Variants in XPO7 observed in about 807,000 individuals in gnomAD.
XPO7 encodes exportin-7.
A neutral mutation model predicts 144.3 loss-of-function variants in XPO7; 21 were observed. The ratio of observed to expected loss-of-function variants is 0.15; its 90% CI spans 0.10 to 0.21. The LOEUF (loss-of-function observed/expected upper bound fraction) is 0.21, where lower values mean the gene tolerates loss of function less well. Ranked by LOEUF, XPO7 falls within the 10% of genes least tolerant of loss-of-function variation. The pLI, the probability that XPO7 is intolerant of heterozygous loss-of-function variation, is 1.00. For synonymous variants in XPO7, 580 were observed against 499.6 expected, an observed-to-expected ratio of 1.16 and a Z score of -2.15; for missense variants, 808 against 1,325.8, an observed-to-expected ratio of 0.61 and a Z score of 6.06.
At chr8:21,941,788 G>A (rs1367665727) in intron 1 of XPO7, among the ~76,000 whole-genome samples, 2 of 152,128 alleles carry the variant, frequency 1.3e-5, no homozygotes, top group Non-Finnish European at 2.9e-5. Context: ...CGATCCTCCC[G>A]CCTCAGCCTT....
intron 24 of XPO7, among the ~76,000 whole-genome samples, chr8:22,000,014 C>A (rs1022948820): frequency 3.3e-5 from 5 of 152,128 alleles, no homozygotes; most frequent in Non-Finnish European, 5.9e-5. Context: ...GGGGTGAGTA[C>A]AAAGTGCTAC....
At chr8:21,953,630 C>G (rs969704816) in intron 1 of XPO7, among the ~76,000 whole-genome samples, 3 of 152,208 alleles carry the variant, frequency 2.0e-5, no homozygotes, top group Non-Finnish European at 4.4e-5. Context: ...ATTTTGCATT[C>G]TCACCAACAG....
intron 4 of XPO7, among the ~76,000 whole-genome samples, chr8:21,971,446 A>G (rs1264404839): frequency 6.6e-6 from 1 of 152,140 alleles, no homozygotes; most frequent in Non-Finnish European, 1.5e-5. Context: ...AAATTTTGAT[A>G]TGTTTATTTA....
Position 21,985,697 on chromosome 8 carries a change from T to A in XPO7, c.1577+6T>A. ...GATGGTGAGCTTGTCTGTCGGTAAGTGCTCCCCACAGAAGCTCTCCACTCT... is the reference window on the plus strand; with the variant it reads ...GATGGTGAGCTTGTCTGTCGGTAAGAGCTCCCCACAGAAGCTCTCCACTCT... On this transcript the variant is annotated splice_donor_region_variant and intron_variant, in intron 13 of 27. Transcript: ENST00000252512. 1 of 1,612,622 alleles carries A rather than the reference T, an allele frequency of 6.2e-7. No homozygotes were observed. Among genetic ancestry groups the A allele is most frequent in the Non-Finnish European group, 8.5e-7 (1 of 1,179,474 alleles).
At position 21,995,532 on chromosome 8, in the gene XPO7, C is replaced by G. The variant is rs1158437045; in HGVS notation, c.2278C>G (p.Leu760Val). Residue 760 changes from leucine (L) to valine (V), a missense_variant, in exon 21 of 28, where the codon CTC (leucine) becomes GTC (valine). Around this residue, in one of 5 missense-constraint regions of XPO7, gnomAD observed 416 missense variants for 612.5 expected, o/e 0.68. Coordinates refer to ENST00000252512, the MANE Select transcript of XPO7 (RefSeq NM_015024.5). ...GCCAATTCTCCAACGGGCAATTGAG[C>G]TCTGGTACCATGATCCAGCCTGTAC... Reference protein sequence around the residue: ...YMPILQRAIELWYHDPACTTP... With the variant: ...YMPILQRAIEVWYHDPACTTP... The G allele has an allele frequency of 1.2e-6, 2 of 1,610,270 alleles. No individual in the cohort carries two copies. The highest frequency in any genetic ancestry group is 2.7e-5 in the African/African-American group (2 of 74,884).
intron 1 of XPO7, among the ~76,000 whole-genome samples, chr8:21,928,486 A>G (rs1810534970): frequency 2.0e-5 from 3 of 152,210 alleles, no homozygotes; most frequent in Non-Finnish European, 2.9e-5. Flanking sequence ...GTATGTTTAC[A>G]TTTTTAAAGA....
At chr8:21,988,589 A>G (rs1425149517) in intron 15 of XPO7, 1 of 184,972 alleles carries the variant, frequency 5.4e-6, no homozygotes, top group Admixed American at 5.5e-5. Context: ...AAGGGGGTCT[A>G]AAGGACTCTG....
At chr8:21,939,087 G>A (rs1810909099) in intron 1 of XPO7, among the ~76,000 whole-genome samples, 1 of 152,012 alleles carries the variant, frequency 6.6e-6, no homozygotes, top group African/African-American at 2.4e-5. Context: ...ATAATAAAAT[G>A]AAATAATTTA....
At chr8:21,944,298 C>T (rs1299318320) in intron 1 of XPO7, among the ~76,000 whole-genome samples, 1 of 152,134 alleles carries the variant, frequency 6.6e-6, no homozygotes, top group East Asian at 1.9e-4. Flanking sequence ...AAGGGTCAAA[C>T]GCGGTGGCCC....
chr8:21,957,848 A>G (rs555591429), intron 1 of XPO7, among the ~76,000 whole-genome samples: 1 of 151,110 alleles, frequency 6.6e-6, no homozygotes, highest in Admixed American at 6.6e-5. Flanking sequence ...TTCAGCTTTC[A>G]CACTGTAAAC....
chr8:21,962,957 A>G (rs1366555039), intron 1 of XPO7, among the ~76,000 whole-genome samples: 2 of 152,228 alleles, frequency 1.3e-5, no homozygotes, highest in Non-Finnish European at 2.9e-5. Flanking sequence ...AAGGTTCAGT[A>G]TAAATATTTT....
chr8:21,939,451 C>T (rs1310504151), intron 1 of XPO7, among the ~76,000 whole-genome samples: 1 of 152,132 alleles, frequency 6.6e-6, no homozygotes, highest in African/African-American at 2.4e-5. Context: ...AAACTCCCAA[C>T]CTCAGGTGAT....
intron 16 of XPO7, 129 bp from the exon 17 acceptor site, chr8:21,990,215 T>A (rs1474544272): frequency 1.2e-6 from 1 of 837,750 alleles, no homozygotes; most frequent in Non-Finnish European, 1.9e-6. Flanking sequence ...TATTTGGCAG[T>A]GGTATACTCA....
intron 1 of XPO7, among the ~76,000 whole-genome samples, chr8:21,931,092 C>T (rs942382708): frequency 5.9e-5 from 9 of 152,140 alleles, no homozygotes; most frequent in African/African-American, 1.7e-4. Context: ...GATCTGCCCA[C>T]CTCTGCTTCC....
intron 1 of XPO7, among the ~76,000 whole-genome samples, chr8:21,960,454 C>T (rs1052544385): frequency 1.3e-4 from 20 of 152,164 alleles, no homozygotes; most frequent in Admixed American, 1.1e-3. Flanking sequence ...CATTAAGTGA[C>T]TAGGTACATT....
chr8:21,961,160 CCATTG>C (rs925376794), intron 1 of XPO7, among the ~76,000 whole-genome samples: 31 of 151,072 alleles, frequency 2.1e-4, no homozygotes, highest in Non-Finnish European at 5.9e-5. Flanking sequence ...GTACGCATCT[CCATTG>C]AGTGTGTATC....
At chr8:21,988,756 G>GC (rs1812661135) in intron 15 of XPO7, 1 of 482,864 alleles carries the variant, frequency 2.1e-6, no homozygotes, top group African/African-American at 2.0e-5. Context: ...AATTCCAAGG[G>GC]CCTGGGTATG....
intron 1 of XPO7, among the ~76,000 whole-genome samples, chr8:21,944,259 T>C (rs1043108040): frequency 3.9e-5 from 6 of 152,166 alleles, no homozygotes; most frequent in African/African-American, 1.4e-4. Context: ...ATGAGTTATA[T>C]ATTCCACATG....
chr8:21,920,059 A>C (rs1810218844), intron 1 of XPO7, among the ~76,000 whole-genome samples: 1 of 149,974 alleles, frequency 6.7e-6, no homozygotes, highest in Non-Finnish European at 1.5e-5. Context: ...CGCAGCCCAC[A>C]ACGTTCGTCA....
Sources: allele counts gnomAD v4.1 joint callset (sites outside exome capture counted in the v4.1 genomes callset), GRCh38; gene constraint gnomAD v4.1.1; regional missense constraint gnomAD v4.1.1; transcripts MANE v1.5; gene names NCBI Gene and HGNC (gene_info 2026-07-23, HGNC 2026-07-21).